The following PLCB1 variants were observed in gnomAD, a reference collection of about 807,000 sequenced individuals.
The protein encoded by PLCB1 is 1-phosphatidylinositol 4,5-bisphosphate phosphodiesterase beta-1.
A neutral mutation model predicts 161.8 loss-of-function variants in PLCB1; 46 were observed. That is an observed-to-expected ratio of 0.28 (90% CI 0.22 to 0.36). The LOEUF is 0.36. PLCB1 is among the 10% of genes least tolerant of loss of function. The pLI, the probability that PLCB1 is intolerant of heterozygous loss-of-function variation, is 1.00. For missense variants in PLCB1, 1,016 were observed against 1,472.5 expected, an observed-to-expected ratio of 0.69 and a Z score of 5.07; for synonymous variants, 517 against 503.7, an observed-to-expected ratio of 1.03 and a Z score of -0.35.
chr20:8,622,987 GT>G (rs550464625), intron 3 of PLCB1, among the ~76,000 whole-genome samples: 269 of 152,234 alleles, frequency 1.8e-3, no homozygotes, highest in African/African-American at 6.4e-3. Flanking sequence ...AATTTTCTTG[GT>G]CCAAGGACTG....
chr20:8,883,458 A>C lies in PLCB1; in HGVS notation c.*1609A>C, dbSNP rs900927705. The stretch of plus-strand genomic sequence containing the variant: ...TTAGAGAGTAACACATGAACATTGA[A>C]GTTAAAACCCAGAAGCCAGATGCTC... On this transcript the variant is annotated 3_prime_UTR_variant, in exon 32 of 32. Coordinates refer to ENST00000338037, the MANE Select transcript of PLCB1 (RefSeq NM_015192.4). 5 of 152,126 alleles carry C rather than the reference A, an allele frequency of 3.3e-5. No individual in the cohort carries two copies. Among genetic ancestry groups the C allele is most frequent in the Non-Finnish European group, 7.4e-5 (5 of 67,998 alleles). The allele number at this position is 152,126 out of a possible 1,614,324, so 9.4% of individuals were successfully genotyped here.
chr20:8,741,096 A>G (rs917000346), intron 22 of PLCB1, among the ~76,000 whole-genome samples: 1 of 152,248 alleles, frequency 6.6e-6, no homozygotes, highest in African/African-American at 2.4e-5. Context: ...TGGGTGGGCC[A>G]TTGCCGGAAT....
chr20:8,655,085 G>T (rs756319902), intron 7 of PLCB1, among the ~76,000 whole-genome samples: 2 of 151,906 alleles, frequency 1.3e-5, no homozygotes, highest in African/African-American at 2.4e-5. Context: ...CATCCAACTC[G>T]CAATGAAAAT....
chr20:8,475,015 AC>A (rs1982212562), intron 3 of PLCB1, among the ~76,000 whole-genome samples: 1 of 148,132 alleles, frequency 6.8e-6, no homozygotes, highest in African/African-American at 2.6e-5. Flanking sequence ...ACACAGACAC[AC>A]ACACACACAC....
intron 3 of PLCB1, among the ~76,000 whole-genome samples, chr20:8,405,403 T>C (rs990542590): frequency 3.3e-5 from 5 of 152,204 alleles, no homozygotes; most frequent in Non-Finnish European, 7.3e-5. Context: ...ACAAGGCCTC[T>C]TGAGGCCTAG....
intron 3 of PLCB1, among the ~76,000 whole-genome samples, chr20:8,494,164 G>A (rs1036624294): frequency 2.0e-5 from 3 of 152,166 alleles, no homozygotes; most frequent in Non-Finnish European, 4.4e-5. Context: ...TTCCACCTTC[G>A]AAGATTCTGA....
At chr20:8,417,625 A>C (rs1030684809) in intron 3 of PLCB1, among the ~76,000 whole-genome samples, 2 of 152,190 alleles carry the variant, frequency 1.3e-5, no homozygotes, top group African/African-American at 4.8e-5. Flanking sequence ...ACTACACTTC[A>C]GAGCCATGTC....
chr20:8,713,478 C>T (rs1409097235), intron 12 of PLCB1, among the ~76,000 whole-genome samples: 3 of 152,164 alleles, frequency 2.0e-5, no homozygotes, highest in Admixed American at 6.5e-5. Context: ...CCACCATACC[C>T]AGCCCTCAGG....
intron 3 of PLCB1, among the ~76,000 whole-genome samples, chr20:8,431,915 G>T (rs1980059747): frequency 6.6e-6 from 1 of 152,200 alleles, no homozygotes; most frequent in South Asian, 2.1e-4. Context: ...AGTTTGGAAG[G>T]CTGGGAAGTC....
At chr20:8,711,565 T>C (rs1297257671) in intron 12 of PLCB1, among the ~76,000 whole-genome samples, 3 of 152,190 alleles carry the variant, frequency 2.0e-5, no homozygotes, top group Non-Finnish European at 4.4e-5. Context: ...ACTGAGATAA[T>C]GTAATGGCAG....
intron 18 of PLCB1, chr20:8,729,415 A>G (rs184717267): frequency 9.8e-4 from 293 of 298,346 alleles, no homozygotes; most frequent in African/African-American, 5.6e-3. Context: ...TTTTCAAACA[A>G]AAATTTTTAT....
chr20:8,427,322 G>A lies in PLCB1; in HGVS notation c.246+55872G>A, dbSNP rs76692987. Among the ~76,000 whole-genome samples the A allele has an allele frequency of 3.6e-3, 542 of 152,274 alleles. 4 individuals carry two copies. Among genetic ancestry groups the A allele is most frequent in the African/African-American group, 0.012 (506 of 41,552 alleles). On this transcript the variant is annotated intron_variant, in intron 3 of 31. Transcript: ENST00000338037. ...ACAGTCCTGTTTGCTCTCCCAAGCA[G>A]AAAATCTAAAAGGAAACCTGGCTTC...
At chr20:8,392,515 T>C (rs745371308) in intron 3 of PLCB1, among the ~76,000 whole-genome samples, 2 of 152,132 alleles carry the variant, frequency 1.3e-5, no homozygotes, top group Non-Finnish European at 1.5e-5. Context: ...AGTCATACCA[T>C]CTTTTAGGAA....
At chr20:8,596,937 T>A (rs1170877522) in intron 3 of PLCB1, among the ~76,000 whole-genome samples, 56 of 152,310 alleles carry the variant, frequency 3.7e-4, no homozygotes, top group African/African-American at 1.3e-3. Flanking sequence ...GCTTGTGATT[T>A]TTGCACGTTG....
chr20:8,683,683 G>T (rs1233438868), intron 9 of PLCB1, among the ~76,000 whole-genome samples: 1 of 151,998 alleles, frequency 6.6e-6, no homozygotes, highest in East Asian at 1.9e-4. Context: ...AACTCAGAAA[G>T]GTTACAACAT....
intron 23 of PLCB1, chr20:8,750,771 A>G: frequency 8.7e-7 from 1 of 1,152,602 alleles, no homozygotes; most frequent in Non-Finnish European, 1.2e-6. Context: ...GGCTCTAACA[A>G]AGCTACTTTC....
chr20:8,628,565 G>C lies in PLCB1; in HGVS notation c.384+134G>C, dbSNP rs112165189. The stretch of plus-strand genomic sequence containing the variant: ...AATTTCACCTAAAAATAATTCAGCT[G>C]CCAAGTATAAGTGCAATTAAAATAC... On this transcript the variant is annotated intron_variant, in intron 4 of 31. Transcript: ENST00000338037. The C allele has an allele frequency of 1.1e-4, 94 of 840,106 alleles. No homozygotes were observed. The South Asian group carries it at 1.5e-3, about 13-fold the overall frequency. The allele number at this position is 840,106 out of a possible 1,614,324, so 52.0% of individuals were successfully genotyped here.
chr20:8,469,723 TTAACAAG>T (rs1467743636), intron 3 of PLCB1, among the ~76,000 whole-genome samples: 1 of 152,172 alleles, frequency 6.6e-6, no homozygotes. Context: ...TATCAGAGTT[TTAACAAG>T]TAACAAGTAA....
intron 2 of PLCB1, among the ~76,000 whole-genome samples, chr20:8,354,676 G>C (rs868092033): frequency 3.3e-4 from 50 of 152,232 alleles, no homozygotes; most frequent in Middle Eastern, 3.4e-3. Flanking sequence ...GAGGAGAGTT[G>C]GGGAAATCAG....
Sources: gnomAD v4.1 joint callset for allele counts (sites outside exome capture counted in the v4.1 genomes callset) on GRCh38, gnomAD v4.1.1 for gene constraint, MANE v1.5 for transcripts, NCBI Gene and HGNC (gene_info 2026-07-23, HGNC 2026-07-21) for gene names.